ZC3H12B: variants seen among roughly 807,000 people sequenced by gnomAD.
ZC3H12B encodes zinc finger CCCH-type containing 12B.
A neutral mutation model predicts 43.9 loss-of-function variants in ZC3H12B; 7 were observed. The observed-to-expected ratio is 0.16, with a 90% confidence interval of 0.09 to 0.30. The LOEUF (loss-of-function observed/expected upper bound fraction) is 0.30. Among genes scored for constraint, ZC3H12B ranks in the 10% least tolerant of loss-of-function variants. The pLI, the probability that ZC3H12B is intolerant of heterozygous loss-of-function variation, is 1.00. For missense variants in ZC3H12B, 475 were observed against 670.2 expected, an observed-to-expected ratio of 0.71 and a Z score of 3.22; for synonymous variants, 222 against 241.7, an observed-to-expected ratio of 0.92 and a Z score of 0.76.
At chrX:65,505,538 T>C (rs2068417043) in exon 5 of ZC3H12B, 2 of 113,034 alleles carry the variant, frequency 1.8e-5, no homozygotes, top group Non-Finnish European at 3.7e-5. Flanking sequence ...AGAGTGACAG[T>C]TGCCACTGCA....
chrX:65,126,709 G>C, the ZC3H12B span, among the ~76,000 whole-genome samples: 1 of 97,250 alleles, frequency 1.0e-5, no homozygotes, highest in East Asian at 3.2e-4. Flanking sequence ...TTTTTTCTTT[G>C]GTTTGATGGA....
the ZC3H12B span, among the ~76,000 whole-genome samples, chrX:65,119,825 A>C: frequency 8.9e-6 from 1 of 111,940 alleles, no homozygotes; most frequent in African/African-American, 3.2e-5. Flanking sequence ...ATTTTTGTAT[A>C]AGGTGTAAGG....
the ZC3H12B span, among the ~76,000 whole-genome samples, chrX:65,246,116 C>T: frequency 8.9e-4 from 99 of 111,001 alleles, no homozygotes; most frequent in African/African-American, 3.0e-3. Flanking sequence ...TATACACCAA[C>T]AATAGTCAAC....
the ZC3H12B span, among the ~76,000 whole-genome samples, chrX:65,109,773 G>C: frequency 1.8e-5 from 2 of 111,676 alleles, no homozygotes; most frequent in Admixed American, 1.9e-4. Context: ...GAAACTGTTA[G>C]ACTGTTTTGC....
the ZC3H12B span, among the ~76,000 whole-genome samples, chrX:65,249,874 T>G: frequency 1.9e-5 from 2 of 106,227 alleles, no homozygotes; most frequent in Non-Finnish European, 3.9e-5. Context: ...TTGGTTGTTG[T>G]TGGTGTATAG....
chrX:65,480,381 A>G (rs975231717), intron 3 of ZC3H12B, among the ~76,000 whole-genome samples: 34 of 112,628 alleles, frequency 3.0e-4, no homozygotes, highest in African/African-American at 1.1e-3. Context: ...CAGATTTTTA[A>G]TTATATCTTT....
At chrX:65,374,055 CTATA>C (rs1383758402) in intron 2 of ZC3H12B, among the ~76,000 whole-genome samples, 1 of 53,489 alleles carries the variant, frequency 1.9e-5, no homozygotes, top group Admixed American at 3.0e-4. Context: ...GTATATATAA[CTATA>C]TATATACAGT....
the ZC3H12B span, among the ~76,000 whole-genome samples, chrX:65,169,692 G>T: frequency 9.0e-6 from 1 of 111,583 alleles, no homozygotes; most frequent in African/African-American, 3.3e-5. Flanking sequence ...AGTCTATATG[G>T]ACTTACTTTA....
At chrX:65,406,198 A>G (rs2066818764) in intron 3 of ZC3H12B, among the ~76,000 whole-genome samples, 1 of 110,445 alleles carries the variant, frequency 9.1e-6, no homozygotes, top group African/African-American at 3.3e-5. Context: ...AAAAAAGAAA[A>G]CTACAGTTCA....
At chrX:65,145,418 C>T in the ZC3H12B span, among the ~76,000 whole-genome samples, 1 of 111,221 alleles carries the variant, frequency 9.0e-6, no homozygotes, top group African/African-American at 3.3e-5. Context: ...AATTGTTATC[C>T]ATTCTGCAAT....
At chrX:65,271,730 A>AGGGATATTAAAATAACTTGGC in the ZC3H12B span, 2 of 123,747 alleles carry the variant, frequency 1.6e-5, no homozygotes, top group East Asian at 3.9e-4. Context: ...TAAAATAGTT[A>AGGGATATTAAAATAACTTGGC]AGTAACTTGG....
At chrX:65,381,680 A>T (rs763768384) in intron 2 of ZC3H12B, among the ~76,000 whole-genome samples, 94 of 112,103 alleles carry the variant, frequency 8.4e-4, no homozygotes, top group African/African-American at 3.0e-3. Context: ...TTTTTTGAAA[A>T]GATCAACAAA....
the ZC3H12B span, among the ~76,000 whole-genome samples, chrX:65,255,877 G>A: frequency 8.9e-6 from 1 of 111,739 alleles, no homozygotes; most frequent in Non-Finnish European, 1.9e-5. Context: ...AAAAAATCAG[G>A]GGTTGCTATT....
At chrX:65,158,316 T>A in the ZC3H12B span, among the ~76,000 whole-genome samples, 4 of 111,482 alleles carry the variant, frequency 3.6e-5, no homozygotes, top group Non-Finnish European at 7.5e-5. Flanking sequence ...TCAAATGGTA[T>A]TTCTAGTTGT....
At chrX:65,376,890 C>A (rs923271051) in intron 2 of ZC3H12B, among the ~76,000 whole-genome samples, 2 of 110,293 alleles carry the variant, frequency 1.8e-5, no homozygotes, top group Non-Finnish European at 3.8e-5. Context: ...GCATCAAGAC[C>A]ATATAGGAAA....
the ZC3H12B span, among the ~76,000 whole-genome samples, chrX:65,107,734 C>T: frequency 9.0e-6 from 1 of 111,053 alleles, no homozygotes; most frequent in Non-Finnish European, 1.9e-5. Flanking sequence ...CGGCTCGGCA[C>T]TTTTCCCTTT....
At chrX:65,335,016 G>A in the ZC3H12B span, among the ~76,000 whole-genome samples, 8 of 111,467 alleles carry the variant, frequency 7.2e-5, no homozygotes, top group Non-Finnish European at 1.3e-4. Flanking sequence ...AGAGAGTGGA[G>A]TATTCCCTCA....
chrX:65,370,446 TA>T (rs2066229599), intron 2 of ZC3H12B, among the ~76,000 whole-genome samples: 1 of 111,872 alleles, frequency 8.9e-6, no homozygotes, highest in Admixed American at 9.5e-5. Context: ...TAACTTGAAA[TA>T]AAAAATATGA....
the ZC3H12B span, among the ~76,000 whole-genome samples, chrX:65,251,570 A>T: frequency 8.9e-6 from 1 of 111,777 alleles, no homozygotes; most frequent in Non-Finnish European, 1.9e-5. Flanking sequence ...CCTACCCATG[A>T]TCATGGAATG....
Sources: gnomAD v4.1 joint callset for allele counts (sites outside exome capture counted in the v4.1 genomes callset) on GRCh38, gnomAD v4.1.1 for gene constraint, MANE v1.5 for transcripts, NCBI Gene and HGNC (gene_info 2026-07-23, HGNC 2026-07-21) for gene names.